The following KCNIP4 variants were observed in gnomAD, a reference collection of about 807,000 sequenced individuals.
The protein encoded by KCNIP4 is potassium voltage-gated channel interacting protein 4, also known as Kv channel-interacting protein 4.
In KCNIP4, 12 loss-of-function variants were observed where a neutral mutation model predicts 34.0. That is an observed-to-expected ratio of 0.35 (90% CI 0.23 to 0.57). KCNIP4 has a LOEUF of 0.57. Ranked by LOEUF, KCNIP4 falls within the 20% of genes least tolerant of loss-of-function variation. The pLI is 0.83. For missense variants in KCNIP4, 238 were observed against 311.7 expected (o/e 0.76, Z 1.78); for synonymous variants, 124 against 102.2 (o/e 1.21, Z -1.29).
At chr4:21,581,688 T>C (rs1741209952) in intron 1 of KCNIP4, among the ~76,000 whole-genome samples, 2 of 151,998 alleles carry the variant, frequency 1.3e-5, no homozygotes, top group South Asian at 4.1e-4. Context: ...GTTCAGTACA[T>C]TTTGACTAGC....
chr4:20,906,163 A>G (rs185040952), intron 1 of KCNIP4, among the ~76,000 whole-genome samples: 13 of 150,836 alleles, frequency 8.6e-5, no homozygotes, highest in African/African-American at 3.2e-4. Flanking sequence ...CAGCCTCCCA[A>G]CAGGGGGATT....
In KCNIP4 at chr4:21,003,990, A is replaced by G. The variant is rs141703225; in HGVS notation, c.62-121281T>C. ...GAAATGAGCCTGAGAGGTATGGAGT[A>G]TTGAGGTTATGAAGGACTGAATATG... On this transcript the variant is annotated intron_variant, in intron 1 of 8. Coordinates refer to ENST00000382152, the MANE Select transcript of KCNIP4 (RefSeq NM_025221.6). Among the ~76,000 whole-genome samples, 47 of 152,316 alleles carry G rather than the reference A, an allele frequency of 3.1e-4. No homozygotes were observed. In the East Asian group the frequency reaches 8.7e-3, roughly 28 times the overall value.
chr4:21,107,083 G>A (rs1389009528), intron 1 of KCNIP4, among the ~76,000 whole-genome samples: 1 of 147,010 alleles, frequency 6.8e-6, no homozygotes, highest in African/African-American at 2.6e-5. Flanking sequence ...TGTTGATTTG[G>A]GGTGGAGAGT....
intron 1 of KCNIP4, among the ~76,000 whole-genome samples, chr4:21,792,216 G>T (rs1477621330): frequency 6.6e-6 from 1 of 151,864 alleles, no homozygotes; most frequent in African/African-American, 2.4e-5. Flanking sequence ...TCCATTCCCA[G>T]TGTCTAGAAT....
intron 1 of KCNIP4, among the ~76,000 whole-genome samples, chr4:21,932,705 A>T (rs1729639526): frequency 6.6e-6 from 1 of 152,068 alleles, no homozygotes. Flanking sequence ...GGATGAGGTG[A>T]ACCAGACCAG....
intron 1 of KCNIP4, among the ~76,000 whole-genome samples, chr4:21,568,012 A>C (rs1284137880): frequency 2.6e-5 from 4 of 152,114 alleles, no homozygotes; most frequent in African/African-American, 9.7e-5. Context: ...TTTTTAATTC[A>C]ACAAATATTC....
intron 1 of KCNIP4, among the ~76,000 whole-genome samples, chr4:21,048,760 G>A (rs150990480): frequency 1.3e-5 from 2 of 152,032 alleles, no homozygotes; most frequent in East Asian, 1.9e-4. Flanking sequence ...AAACAATACG[G>A]CAGAAGTGAC....
intron 1 of KCNIP4, among the ~76,000 whole-genome samples, chr4:21,527,924 G>T (rs1001047584): frequency 6.6e-6 from 1 of 152,048 alleles, no homozygotes; most frequent in African/African-American, 2.4e-5. Context: ...GTTCCCGTAA[G>T]GAATCCTCCT....
chr4:21,695,215 G>A (rs912824909), intron 1 of KCNIP4, among the ~76,000 whole-genome samples: 11 of 152,034 alleles, frequency 7.2e-5, no homozygotes, highest in Non-Finnish European at 7.4e-5. Context: ...ACAGCATCTA[G>A]TAAATGCATA....
At chr4:21,000,135 C>T (rs935242014) in intron 1 of KCNIP4, among the ~76,000 whole-genome samples, 1 of 152,106 alleles carries the variant, frequency 6.6e-6, no homozygotes. Flanking sequence ...CCATCGATTC[C>T]AGCAGGTGCT....
At chr4:21,625,071 A>G (rs982649536) in intron 1 of KCNIP4, among the ~76,000 whole-genome samples, 1 of 152,114 alleles carries the variant, frequency 6.6e-6, no homozygotes, top group Non-Finnish European at 1.5e-5. Context: ...AGTGCTTTTC[A>G]GGGACAAACT....
At position 21,578,332 on chromosome 4, in the gene KCNIP4, C is replaced by CAAAAAAAA. The variant is rs71191522; in HGVS notation, c.61+370231_61+370238dup. Among the ~76,000 whole-genome samples the CAAAAAAAA allele has an allele frequency of 1.1e-3, 84 of 75,120 alleles. 11 individuals carry two copies. Among genetic ancestry groups the CAAAAAAAA allele is most frequent in the African/African-American group, 3.6e-3 (69 of 18,918 alleles). The allele number at this position is 75,120 out of a possible 152,430, so 49.3% of individuals were successfully genotyped here. On this transcript the variant is annotated intron_variant, in intron 1 of 8. Transcript: ENST00000382152. ...TGGGTGACAGAGCGAGACTCCGTCT[C>CAAAAAAAA]AAAAAAAAAAAAAAAAAAAAAAAAA...
intron 1 of KCNIP4, among the ~76,000 whole-genome samples, chr4:21,646,890 T>G (rs1250465930): frequency 1.3e-5 from 2 of 152,202 alleles, no homozygotes; most frequent in Non-Finnish European, 2.9e-5. Flanking sequence ...CAATCTCAAA[T>G]GAGAAGGTAA....
intron 1 of KCNIP4, among the ~76,000 whole-genome samples, chr4:21,619,627 A>G (rs1744866873): frequency 6.6e-6 from 1 of 152,224 alleles, no homozygotes; most frequent in South Asian, 2.1e-4. Context: ...TAAGGCATAG[A>G]TCCCAAGGTG....
chr4:21,619,944 C>T (rs1025282334), intron 1 of KCNIP4, among the ~76,000 whole-genome samples: 1 of 152,178 alleles, frequency 6.6e-6, no homozygotes, highest in African/African-American at 2.4e-5. Context: ...TGTAAGATTC[C>T]ATCTTGTCTC....
intron 1 of KCNIP4, among the ~76,000 whole-genome samples, chr4:21,281,142 A>C (rs1358420558): frequency 7.0e-6 from 1 of 143,192 alleles, no homozygotes; most frequent in Non-Finnish European, 1.5e-5. Context: ...GCAGGAGTGC[A>C]GTGGCGCGAT....
intron 1 of KCNIP4, among the ~76,000 whole-genome samples, chr4:21,054,070 T>C (rs902096954): frequency 2.6e-5 from 4 of 152,224 alleles, no homozygotes; most frequent in African/African-American, 9.6e-5. Flanking sequence ...AAAATGATTC[T>C]ACATAATATT....
rs563910664 is a variant in KCNIP4 at position 21,622,042 on chromosome 4, G to A, written c.61+326529C>T. The stretch of plus-strand genomic sequence containing the variant: ...AGGCAACTTTGCCTTTCAACTGTGA[G>A]TGCTGGAGAGCTCCTTGCTGTCACT... On this transcript the variant is annotated intron_variant, in intron 1 of 8. Coordinates refer to ENST00000382152, the MANE Select transcript of KCNIP4 (RefSeq NM_025221.6). Among the ~76,000 whole-genome samples, 17 of 152,314 alleles carry A rather than the reference G, an allele frequency of 1.1e-4. 1 individual carries two copies. Among genetic ancestry groups the A allele is most frequent in the African/African-American group, 2.6e-4 (11 of 41,574 alleles).
At chr4:21,158,948 T>C (rs1291292290) in intron 1 of KCNIP4, among the ~76,000 whole-genome samples, 2 of 152,150 alleles carry the variant, frequency 1.3e-5, no homozygotes, top group Non-Finnish European at 2.9e-5. Context: ...AATATAAAAA[T>C]AACTTCCATT....
Sources: allele counts gnomAD v4.1 joint callset (sites outside exome capture counted in the v4.1 genomes callset), GRCh38; gene constraint gnomAD v4.1.1; transcripts MANE v1.5; gene names NCBI Gene and HGNC (gene_info 2026-07-23, HGNC 2026-07-21).